The following CELF2 variants were observed in gnomAD, a reference collection of about 807,000 sequenced individuals.
CELF2 encodes the protein CUG triplet repeat RNA-binding protein 2.
In CELF2, 8 loss-of-function variants were observed where a neutral mutation model predicts 62.6. That is an observed-to-expected ratio of 0.13 (90% CI 0.07 to 0.23). CELF2 has a LOEUF of 0.23. Ranked by LOEUF, CELF2 falls within the 10% of genes least tolerant of loss-of-function variation. The probability of loss-of-function intolerance (pLI) is 1.00; values close to 1 mark genes in which losing one functional copy is unlikely to be tolerated. For missense variants in CELF2, 333 were observed against 671.0 expected (o/e 0.50, Z 5.56); for synonymous variants, 258 against 250.0 (o/e 1.03, Z -0.30).
chr10:11,332,743 C>CA lies in CELF2; in HGVS notation c.*3697dup, dbSNP rs573134503. The CA allele has an allele frequency of 1.2e-4, 18 of 152,130 alleles. No individual in the cohort carries two copies. Among genetic ancestry groups the CA allele is most frequent in the East Asian group, 9.7e-4 (5 of 5,172 alleles). 9.4% of individuals were successfully genotyped at this position (152,130 alleles called of 1,614,324 possible). A position where few individuals can be genotyped will look rare whatever the true frequency, so the allele number is the denominator to read the frequency against. On this transcript the variant is annotated 3_prime_UTR_variant, in exon 13 of 13. Transcript: ENST00000633077. ...TGGAAAGGACTAGCCTCTACTGATGCAAAAAAACAAAAAGCAACACAAACG... is the reference window on the plus strand; with the variant it reads ...TGGAAAGGACTAGCCTCTACTGATGCAAAAAAAACAAAAAGCAACACAAACG...
chr10:10,832,273 A>AT (rs35784441), intron 1 of CELF2, among the ~76,000 whole-genome samples: 9 of 151,052 alleles, frequency 6.0e-5, no homozygotes, highest in East Asian at 5.9e-4. Flanking sequence ...ATCTAAAAAA[A>AT]AAAAATAAAA....
chr10:10,471,443 T>C, the CELF2 span, among the ~76,000 whole-genome samples: 7 of 151,950 alleles, frequency 4.6e-5, no homozygotes, highest in East Asian at 1.4e-3. Flanking sequence ...ACATTTATAA[T>C]TGTTACATTA....
the CELF2 span, among the ~76,000 whole-genome samples, chr10:10,688,887 C>G: frequency 4.6e-5 from 7 of 151,720 alleles, no homozygotes; most frequent in Admixed American, 6.6e-5. Context: ...GCCTGTAGTC[C>G]CAGCTACTCG....
At chr10:10,468,629 T>C in the CELF2 span, among the ~76,000 whole-genome samples, 1 of 152,084 alleles carries the variant, frequency 6.6e-6, no homozygotes, top group East Asian at 1.9e-4. Context: ...TGGTTATTGC[T>C]CCTGCTGTGA....
chr10:10,721,805 C>T, the CELF2 span, among the ~76,000 whole-genome samples: 2 of 152,324 alleles, frequency 1.3e-5, no homozygotes, highest in East Asian at 3.9e-4. Context: ...TCAGCTCCTT[C>T]TGATCACTTT....
At chr10:11,257,011 G>T (rs150600519) in intron 4 of CELF2, among the ~76,000 whole-genome samples, 1 of 152,028 alleles carries the variant, frequency 6.6e-6, no homozygotes, top group Non-Finnish European at 1.5e-5. Context: ...AGCAGCAGCC[G>T]CCCTGTTCTC....
chr10:11,305,358 C>T lies in CELF2; in HGVS notation c.977-8781C>T, dbSNP rs1591151890. Among the ~76,000 whole-genome samples, 1 of 152,348 alleles carries T rather than the reference C, an allele frequency of 6.6e-6. No homozygotes were observed. The highest frequency in any genetic ancestry group is 1.9e-4 in the East Asian group (1 of 5,188). On this transcript the variant is annotated intron_variant, in intron 9 of 12. Transcript: ENST00000633077. The surrounding 1 kb of genome is among the most constrained non-coding windows in gnomAD (Gnocchi z 4.8). ...CCTTGTGGAGTCCTCATGCCCACACCTGGGTGCCGGCGCCCATCCTGCATC... is the reference window on the plus strand; with the variant it reads ...CCTTGTGGAGTCCTCATGCCCACACTTGGGTGCCGGCGCCCATCCTGCATC...
the CELF2 span, among the ~76,000 whole-genome samples, chr10:10,617,954 C>T: frequency 3.3e-5 from 5 of 152,006 alleles, no homozygotes; most frequent in Admixed American, 6.5e-5. Context: ...ATCCCCCGGC[C>T]GTAACTCTTG....
intron 1 of CELF2, among the ~76,000 whole-genome samples, chr10:11,106,709 T>A (rs2053588667): frequency 6.6e-6 from 1 of 152,244 alleles, no homozygotes; most frequent in Admixed American, 6.5e-5. Flanking sequence ...ATGAATACTC[T>A]ATGAAGTAAA....
rs138700047 is a variant in CELF2, at chr10:10,866,477, C to T, written c.54-53487C>T. ...AAAATTAGCCAGGCATGGTGACACA[C>T]GCCTGTAGTCCCAATTATGCTGGAG... On this transcript the variant is annotated intron_variant, in intron 1 of 13. Transcript: ENST00000636488. Among the ~76,000 whole-genome samples the T allele has an allele frequency of 2.9e-3, 439 of 151,930 alleles. 3 individuals are homozygous for T. The highest frequency in any genetic ancestry group is 9.1e-3 in the African/African-American group (376 of 41,432).
the CELF2 span, among the ~76,000 whole-genome samples, chr10:10,462,994 TC>T: frequency 6.6e-6 from 1 of 151,990 alleles, no homozygotes. Flanking sequence ...CCATAACGAG[TC>T]TGCTGTTTAC....
At chr10:10,775,972 C>G in the CELF2 span, among the ~76,000 whole-genome samples, 1 of 152,232 alleles carries the variant, frequency 6.6e-6, no homozygotes, top group African/African-American at 2.4e-5. Flanking sequence ...TTGTCACTTA[C>G]AAGCTGGGCC....
intron 1 of CELF2, among the ~76,000 whole-genome samples, chr10:11,115,092 A>T (rs903376854): frequency 1.3e-5 from 2 of 152,238 alleles, no homozygotes; most frequent in Admixed American, 1.3e-4. Context: ...ATGTGTGGGG[A>T]TCTACTTGTT....
At chr10:11,180,445 C>T (rs1181328783) in intron 2 of CELF2, among the ~76,000 whole-genome samples, 1 of 152,134 alleles carries the variant, frequency 6.6e-6, no homozygotes, top group African/African-American at 2.4e-5. Context: ...TCAGTGAGGT[C>T]GTGGAGGCAG....
At chr10:10,865,104 G>A (rs1471583515) in intron 1 of CELF2, among the ~76,000 whole-genome samples, 1 of 152,020 alleles carries the variant, frequency 6.6e-6, no homozygotes, top group Admixed American at 6.6e-5. Context: ...TTTCCTGTTA[G>A]ATAATTTTCA....
the CELF2 span, among the ~76,000 whole-genome samples, chr10:10,651,101 A>C: frequency 7.4e-5 from 11 of 148,822 alleles, no homozygotes; most frequent in Non-Finnish European, 1.2e-4. Context: ...AGTCAAAGAA[A>C]GGGGTGACGG....
At chr10:10,570,256 A>G in the CELF2 span, among the ~76,000 whole-genome samples, 2 of 152,180 alleles carry the variant, frequency 1.3e-5, no homozygotes, top group Non-Finnish European at 2.9e-5. Context: ...CTGAAGCACA[A>G]TTGTAAGATG....
At chr10:10,648,643 G>T in the CELF2 span, among the ~76,000 whole-genome samples, 1 of 152,148 alleles carries the variant, frequency 6.6e-6, no homozygotes, top group Admixed American at 6.5e-5. Flanking sequence ...TGGAAGCAAT[G>T]GTCTGTAGCT....
At chr10:10,470,828 G>T in the CELF2 span, among the ~76,000 whole-genome samples, 1 of 150,748 alleles carries the variant, frequency 6.6e-6, no homozygotes, top group South Asian at 2.1e-4. Flanking sequence ...AGGGATTAAA[G>T]CATGGACAGC....
Sources: allele counts gnomAD v4.1 joint callset (sites outside exome capture counted in the v4.1 genomes callset), GRCh38; gene constraint gnomAD v4.1.1; non-coding constraint Gnocchi (gnomAD v3.1); transcripts MANE v1.5; gene names NCBI Gene and HGNC (gene_info 2026-07-23, HGNC 2026-07-21).